ENOX1: variants seen among roughly 807,000 people sequenced by gnomAD.
ENOX1 encodes the protein candidate growth-related and time keeping constitutive hydroquinone (NADH) oxidase.
A neutral mutation model predicts 82.5 loss-of-function variants in ENOX1; 42 were observed. The observed-to-expected ratio is 0.51, with a 90% CI of 0.40 to 0.66. The LOEUF (loss-of-function observed/expected upper bound fraction) is 0.66. Ranked by LOEUF, ENOX1 falls within the 30% of genes least tolerant of loss-of-function variation. ENOX1 has a pLI of 0.00. For missense variants in ENOX1, 608 were observed against 811.6 expected (o/e 0.75, Z 3.05); for synonymous variants, 271 against 282.2 (o/e 0.96, Z 0.40).
At chr13:43,400,079 A>G (rs1014466103) in intron 5 of ENOX1, among the ~76,000 whole-genome samples, 2 of 151,994 alleles carry the variant, frequency 1.3e-5, no homozygotes, top group Non-Finnish European at 2.9e-5. Context: ...ACCTGTTAAA[A>G]TCCAACCTTG....
intron 16 of ENOX1, among the ~76,000 whole-genome samples, chr13:43,218,418 G>C (rs1272078551): frequency 6.6e-6 from 1 of 152,174 alleles, no homozygotes; most frequent in Non-Finnish European, 1.5e-5. Flanking sequence ...CTTGAGCCCA[G>C]GAGTTTGAGA....
chr13:43,483,606 C>T (rs907723573), intron 3 of ENOX1, among the ~76,000 whole-genome samples: 10 of 152,142 alleles, frequency 6.6e-5, no homozygotes, highest in African/African-American at 2.4e-4. Context: ...TTGATATTGA[C>T]AAATTCAGTT....
chr13:43,420,869 C>T (rs1219788702), intron 3 of ENOX1, among the ~76,000 whole-genome samples: 1 of 152,118 alleles, frequency 6.6e-6, no homozygotes, highest in Non-Finnish European at 1.5e-5. Context: ...TAACATCCTA[C>T]ATGATAACGC....
At chr13:43,357,508 C>T (rs1171854598) in intron 7 of ENOX1, among the ~76,000 whole-genome samples, 1 of 152,158 alleles carries the variant, frequency 6.6e-6, no homozygotes, top group East Asian at 1.9e-4. Context: ...CATCTAATCA[C>T]AGATGTGCAG....
rs192269575 is a variant in ENOX1 at position 43,652,047 on chromosome 13, T to C, written c.-219+15432A>G. Among the ~76,000 whole-genome samples the C allele has an allele frequency of 5.6e-3, 845 of 151,764 alleles. 6 individuals carry two copies. Among genetic ancestry groups the C allele is most frequent in the South Asian group, 0.022 (106 of 4,800 alleles). On this transcript the variant is annotated intron_variant, in intron 2 of 16. Transcript: ENST00000690772. The stretch of plus-strand genomic sequence containing the variant: ...TATCTATTCTGTAAGTGAAGGCCTC[T>C]ATAAGCCTATAAAGTACCCAGCTGC...
At chr13:43,599,710 G>A (rs761273672) in intron 2 of ENOX1, among the ~76,000 whole-genome samples, 2 of 151,516 alleles carry the variant, frequency 1.3e-5, no homozygotes, top group Non-Finnish European at 2.9e-5. Flanking sequence ...AAAGGAGTGC[G>A]AGTACCGCCC....
chr13:43,607,490 G>C (rs1420416467), intron 2 of ENOX1, among the ~76,000 whole-genome samples: 1 of 152,084 alleles, frequency 6.6e-6, no homozygotes, highest in Non-Finnish European at 1.5e-5. Context: ...CACATTCATG[G>C]GAGCAAAGCT....
chr13:43,397,922 T>C (rs2053251304), intron 5 of ENOX1, among the ~76,000 whole-genome samples: 1 of 152,210 alleles, frequency 6.6e-6, no homozygotes, highest in African/African-American at 2.4e-5. Flanking sequence ...ACCAAGGCAC[T>C]TGGAAGATGT....
chr13:43,531,344 C>T (rs1421486697), intron 2 of ENOX1, among the ~76,000 whole-genome samples: 1 of 152,020 alleles, frequency 6.6e-6, no homozygotes, highest in Non-Finnish European at 1.5e-5. Context: ...CACTGGCCAT[C>T]AGAGAAATGC....
intron 5 of ENOX1, among the ~76,000 whole-genome samples, chr13:43,395,484 C>A (rs552227768): frequency 1.4e-4 from 21 of 152,274 alleles, no homozygotes; most frequent in African/African-American, 4.8e-4. Flanking sequence ...GAGATTGCAC[C>A]ACTGCACTCC....
chr13:43,431,364 G>T (rs2055650548), intron 3 of ENOX1, among the ~76,000 whole-genome samples: 1 of 152,136 alleles, frequency 6.6e-6, no homozygotes, highest in Admixed American at 6.6e-5. Flanking sequence ...CCAGGTAACT[G>T]CGCAACCACC....
At chr13:43,687,041 C>T (rs1241458162) in intron 1 of ENOX1, among the ~76,000 whole-genome samples, 1 of 152,134 alleles carries the variant, frequency 6.6e-6, no homozygotes, top group Admixed American at 6.5e-5. Context: ...AAATAGGTAA[C>T]GACGGAATTT....
intron 1 of ENOX1, among the ~76,000 whole-genome samples, chr13:43,702,220 A>T (rs1288088822): frequency 6.6e-6 from 1 of 152,166 alleles, no homozygotes; most frequent in Non-Finnish European, 1.5e-5. Flanking sequence ...TCTCATTTTG[A>T]TCATCATACA....
intron 1 of ENOX1, among the ~76,000 whole-genome samples, chr13:43,724,891 C>A (rs7993358): frequency 0.094 from 14,235 of 152,094 alleles, 1,085 homozygotes; most frequent in East Asian, 0.27. Context: ...TCAGTGTTAC[C>A]CTGCTTCTTC....
chr13:43,447,883 A>G (rs1203840386), intron 3 of ENOX1, among the ~76,000 whole-genome samples: 3 of 152,246 alleles, frequency 2.0e-5, no homozygotes, highest in African/African-American at 7.2e-5. Context: ...CAAAACATAA[A>G]GCATCCATCT....
chr13:43,462,691 T>G (rs1246174843), intron 3 of ENOX1, among the ~76,000 whole-genome samples: 1 of 152,242 alleles, frequency 6.6e-6, no homozygotes, highest in Admixed American at 6.5e-5. Flanking sequence ...ATGTTTGGGA[T>G]GCCATGTGCC....
At chr13:43,307,332 T>A (rs1180588053) in intron 11 of ENOX1, among the ~76,000 whole-genome samples, 1 of 152,202 alleles carries the variant, frequency 6.6e-6, no homozygotes, top group Non-Finnish European at 1.5e-5. Context: ...CACTTTGGTA[T>A]CTCTTAAATG....
intron 1 of ENOX1, among the ~76,000 whole-genome samples, chr13:43,726,962 G>A (rs554689690): frequency 6.6e-5 from 10 of 152,032 alleles, no homozygotes; most frequent in Admixed American, 3.3e-4. Flanking sequence ...GGCTGGTCTC[G>A]AATTCCTGAC....
chr13:43,485,781 A>G (rs1390736873), intron 2 of ENOX1, among the ~76,000 whole-genome samples: 3 of 152,228 alleles, frequency 2.0e-5, no homozygotes, highest in African/African-American at 7.2e-5. Flanking sequence ...TACCACTCAG[A>G]AACACATTTT....
Sources: allele counts gnomAD v4.1 joint callset (sites outside exome capture counted in the v4.1 genomes callset), GRCh38; gene constraint gnomAD v4.1.1; transcripts MANE v1.5; gene names NCBI Gene and HGNC (gene_info 2026-07-23, HGNC 2026-07-21).